The following PDE8B variants were observed in gnomAD, a reference collection of about 807,000 sequenced individuals.
PDE8B encodes the protein high affinity cAMP-specific and IBMX-insensitive 3',5'-cyclic phosphodiesterase 8B.
A neutral mutation model predicts 101.3 loss-of-function variants in PDE8B; 26 were observed. The ratio of observed to expected loss-of-function variants is 0.26; its 90% CI spans 0.19 to 0.36. PDE8B has a LOEUF of 0.36. Among genes scored for constraint, PDE8B ranks in the 10% least tolerant of loss-of-function variants. PDE8B has a pLI of 1.00. For synonymous variants in PDE8B, 424 were observed against 429.3 expected (o/e 0.99, Z 0.15); for missense variants, 810 against 1,163.1 (o/e 0.70, Z 4.42).
intron 1 of PDE8B, among the ~76,000 whole-genome samples, chr5:77,253,396 C>G (rs1235380383): frequency 6.6e-6 from 1 of 152,112 alleles, no homozygotes; most frequent in East Asian, 1.9e-4. Flanking sequence ...CAGTTTTCCC[C>G]TTTCACATCT....
the PDE8B span, among the ~76,000 whole-genome samples, chr5:77,134,784 T>C: frequency 2.0e-5 from 3 of 152,120 alleles, no homozygotes; most frequent in African/African-American, 7.2e-5. Flanking sequence ...TAGGAGAAGA[T>C]GACTATGGGT....
chr5:77,141,055 A>G, the PDE8B span: 2 of 152,272 alleles, frequency 1.3e-5, no homozygotes, highest in South Asian at 4.1e-4. Context: ...ATCTCAGTCC[A>G]CTATATTGCT....
intron 21 of PDE8B, 110 bp downstream of exon 21, chr5:77,426,006 G>A (rs1002239674): frequency 2.6e-6 from 3 of 1,151,216 alleles, no homozygotes; most frequent in African/African-American, 3.1e-5. Flanking sequence ...TTTTAAAAAT[G>A]TGGCTGTCAG....
the PDE8B span, chr5:77,088,020 T>A: frequency 6.6e-6 from 1 of 152,264 alleles, no homozygotes; most frequent in African/African-American, 2.4e-5. Context: ...GGTGGGGAAG[T>A]GTACCCCTCT....
chr5:77,113,018 G>A, the PDE8B span: 13 of 152,188 alleles, frequency 8.5e-5, no homozygotes, highest in African/African-American at 2.2e-4. Context: ...AATAAAAGAG[G>A]ACACAAACAA....
rs997177849 is a variant in PDE8B at position 77,325,681 on chromosome 5, T to C, written c.542T>C (p.Val181Ala). ...CFLDKHHEII[V>A]IDHRQTQNFD... The stretch of plus-strand genomic sequence containing the variant: ...CTTGATAAGCATCATGAAATTATTG[T>C]AATTGATCATAGACAAACTCAGAAC... The change falls in exon 3 of 22, where the codon GTA (valine) becomes GCA (alanine). Residue 181 changes from valine to alanine, a missense_variant. This residue lies in a region of PDE8B where 251 missense variants were observed against 378.8 expected (regional missense o/e 0.66). Coordinates refer to ENST00000264917, the MANE Select transcript of PDE8B (RefSeq NM_003719.5). 6.2e-7 allele frequency: 1 copy of C among 1,613,880 alleles called. No homozygotes were observed. Among genetic ancestry groups the C allele is most frequent in the South Asian group, 1.1e-5 (1 of 91,074 alleles).
At chr5:77,184,728 C>G in the PDE8B span, among the ~76,000 whole-genome samples, 2 of 151,980 alleles carry the variant, frequency 1.3e-5, no homozygotes, top group Non-Finnish European at 2.9e-5. Context: ...ACCTATAATC[C>G]CAGCACTTTA....
At chr5:77,388,826 T>G (rs1347613561) in intron 10 of PDE8B, among the ~76,000 whole-genome samples, 1 of 152,150 alleles carries the variant, frequency 6.6e-6, no homozygotes, top group Non-Finnish European at 1.5e-5. Flanking sequence ...TGAGCTGCGG[T>G]GGGCTCCACC....
chr5:77,290,215 A>G (rs1766966741), intron 1 of PDE8B: 1 of 1,541,912 alleles, frequency 6.5e-7, no homozygotes, highest in African/African-American at 1.4e-5. Context: ...CTGTGTGTGC[A>G]CGCTGCAAAG....
intron 1 of PDE8B, among the ~76,000 whole-genome samples, chr5:77,271,571 T>C (rs1319637157): frequency 6.6e-6 from 1 of 152,218 alleles, no homozygotes; most frequent in Non-Finnish European, 1.5e-5. Flanking sequence ...GAAGAACTTT[T>C]TTTTAAGGCA....
At chr5:77,266,100 G>A (rs573983776) in intron 1 of PDE8B, among the ~76,000 whole-genome samples, 1 of 152,352 alleles carries the variant, frequency 6.6e-6, no homozygotes, top group Non-Finnish European at 1.5e-5. Flanking sequence ...TGAAAGGGAA[G>A]TACAGTCGAT....
In PDE8B at chr5:77,233,169, C is replaced by G. The variant is rs182628849; in HGVS notation, c.339+21905C>G. 2.6e-5 allele frequency among the ~76,000 whole-genome samples: 4 copies of G among 151,884 alleles called. No homozygotes were observed. In the South Asian group the frequency reaches 8.3e-4, roughly 32 times the overall value. ...CACCCTGTGAGGCTCAGCAAGCTTG[C>G]CAGGGTTTTGTTTTCTGGGTGGTTG... On this transcript the variant is annotated intron_variant, in intron 1 of 21. Coordinates refer to ENST00000264917, the MANE Select transcript of PDE8B (RefSeq NM_003719.5).
At chr5:77,355,001 C>G (rs1781821326) in intron 10 of PDE8B, among the ~76,000 whole-genome samples, 1 of 152,250 alleles carries the variant, frequency 6.6e-6, no homozygotes, top group Admixed American at 6.5e-5. Flanking sequence ...GGCCACTGGT[C>G]TGTGCTGTCC....
chr5:77,209,980 C>T (rs535144549), upstream of PDE8B, among the ~76,000 whole-genome samples: 1 of 152,306 alleles, frequency 6.6e-6, no homozygotes, highest in South Asian at 2.1e-4. Context: ...TCCAACTCAG[C>T]CTTCGGAGTA....
rs138448627 is a variant in PDE8B at position 77,281,437 on chromosome 5, A to G, written c.340-30557A>G. On this transcript the variant is annotated intron_variant, in intron 1 of 21. Coordinates refer to ENST00000264917, the MANE Select transcript of PDE8B (RefSeq NM_003719.5). ...AATTCAAAATGAATCTTATGGGATAAAACCAAGGTGTTGGCAGGGCTGACT... is the reference window on the plus strand; with the variant it reads ...AATTCAAAATGAATCTTATGGGATAGAACCAAGGTGTTGGCAGGGCTGACT... Among the ~76,000 whole-genome samples, 4 of 152,284 alleles carry G rather than the reference A, an allele frequency of 2.6e-5. No homozygotes were observed. In the East Asian group the frequency reaches 7.7e-4, roughly 29 times the overall value.
intron 4 of PDE8B, 66 bp from the exon 5 acceptor site, chr5:77,331,336 C>G: frequency 7.2e-7 from 1 of 1,385,398 alleles, no homozygotes; most frequent in Non-Finnish European, 1.0e-6. Flanking sequence ...GCTCTCTCTC[C>G]GTGTTTCAGT....
At chr5:77,381,240 A>T (rs1787393945) in intron 10 of PDE8B, among the ~76,000 whole-genome samples, 1 of 152,188 alleles carries the variant, frequency 6.6e-6, no homozygotes, top group East Asian at 1.9e-4. Flanking sequence ...ATGAGAATAG[A>T]CTGGGTTGGG....
intron 1 of PDE8B, chr5:77,290,383 T>G (rs878984024): frequency 1.4e-6 from 2 of 1,389,170 alleles, no homozygotes; most frequent in African/African-American, 1.4e-5. Flanking sequence ...GAGGTTATTA[T>G]GACCTGTTGC....
Position 77,427,881 on chromosome 5 carries a change from AC to A in PDE8B, c.*1328del, listed in dbSNP as rs1465555879. On this transcript the variant is annotated 3_prime_UTR_variant, in exon 22 of 22. Coordinates refer to ENST00000264917, the MANE Select transcript of PDE8B (RefSeq NM_003719.5). ...CTGCATTTTTAAAAGGTATAAACAA[AC>A]AGAGACTGAATTAATTGAATCAGTA... 1 of 152,224 alleles carries A rather than the reference AC, an allele frequency of 6.6e-6. No homozygotes were observed. Among genetic ancestry groups the A allele is most frequent in the African/African-American group, 2.4e-5 (1 of 41,466 alleles). 9.4% of individuals were successfully genotyped at this position (152,224 alleles called of 1,614,324 possible). A position where few individuals can be genotyped will look rare whatever the true frequency, so the allele number is the denominator to read the frequency against.
Sources: allele counts gnomAD v4.1 joint callset (sites outside exome capture counted in the v4.1 genomes callset), GRCh38; gene constraint gnomAD v4.1.1; regional missense constraint gnomAD v4.1.1; transcripts MANE v1.5; gene names NCBI Gene and HGNC (gene_info 2026-07-23, HGNC 2026-07-21).